The following MGAT5 variants were observed in gnomAD, a reference collection of about 807,000 sequenced individuals.
MGAT5 encodes alpha-1,6-mannosylglycoprotein 6-beta-N-acetylglucosaminyltransferase.
Under a neutral mutation model 94.3 loss-of-function variants are expected in MGAT5, and 30 were observed. That is an observed-to-expected ratio of 0.32 (90% CI 0.24 to 0.43). The LOEUF (loss-of-function observed/expected upper bound fraction) is 0.43. Among genes scored for constraint, MGAT5 ranks in the 20% least tolerant of loss-of-function variants. MGAT5 has a pLI of 1.00. For missense variants in MGAT5, 691 were observed against 905.5 expected (o/e 0.76, Z 3.04); for synonymous variants, 310 against 322.9 (o/e 0.96, Z 0.43).
intron 13 of MGAT5, among the ~76,000 whole-genome samples, chr2:134,426,040 A>G (rs1184961177): frequency 6.6e-6 from 1 of 152,028 alleles, no homozygotes; most frequent in Non-Finnish European, 1.5e-5. Flanking sequence ...ACTTGTTCCT[A>G]AAGAACTTTT....
intron 1 of MGAT5, among the ~76,000 whole-genome samples, chr2:134,204,180 G>A (rs1679926318): frequency 1.3e-5 from 2 of 152,166 alleles, no homozygotes; most frequent in South Asian, 4.1e-4. Flanking sequence ...GCATCCTGGT[G>A]ATTCCCACCA....
chr2:134,336,972 C>G lies in MGAT5; in HGVS notation c.645+684C>G, dbSNP rs570570264. 5.9e-5 allele frequency among the ~76,000 whole-genome samples: 9 copies of G among 152,322 alleles called. No individual in the cohort carries two copies. The South Asian group carries it at 1.9e-3, about 32-fold the overall frequency. ...ATACCCAGATAGTAAATAGTTTCAT[C>G]TTTGCAGGCCATATTGGTCTCATTG... On this transcript the variant is annotated intron_variant, in intron 5 of 15. Coordinates refer to ENST00000281923, the MANE Select transcript of MGAT5 (RefSeq NM_002410.5).
At chr2:134,247,376 A>AAC (rs1553501125) in intron 1 of MGAT5, among the ~76,000 whole-genome samples, 2 of 126,668 alleles carry the variant, frequency 1.6e-5, no homozygotes, top group Non-Finnish European at 3.1e-5. Flanking sequence ...AAAAAAAAAC[A>AAC]AAAAAAAAAC....
At position 134,225,293 on chromosome 2, in the gene MGAT5, A is replaced by C. The variant is rs373837893; in HGVS notation, c.-142-28969A>C. Among the ~76,000 whole-genome samples, 73 of 152,134 alleles carry C rather than the reference A, an allele frequency of 4.8e-4. 3 individuals carry two copies. Among genetic ancestry groups the C allele is most frequent in the African/African-American group, 1.5e-3 (63 of 41,518 alleles). On this transcript the variant is annotated intron_variant, in intron 1 of 16. Coordinates refer to the MGAT5 transcript ENST00000409645. ...GCCAAAAACTGGCAGTTTCAGCAAC[A>C]CCTGGGAGCTTGTTAGAAATGCAGT... is the stretch of plus-strand genomic sequence containing the variant.
At position 134,217,446 on chromosome 2, in the gene MGAT5, C is replaced by T. The variant is rs545888485; in HGVS notation, c.-142-36816C>T. On this transcript the variant is annotated intron_variant, in intron 1 of 16. Transcript: ENST00000409645. ...ACTGAGGCTCACGGGGCTTAATCTGCTAGACCAGAGTTACCTGAGAAAGCA... is the reference window on the plus strand; with the variant it reads ...ACTGAGGCTCACGGGGCTTAATCTGTTAGACCAGAGTTACCTGAGAAAGCA... 3.3e-5 allele frequency among the ~76,000 whole-genome samples: 5 copies of T among 152,234 alleles called. No individual in the cohort carries two copies. The East Asian group carries it at 9.7e-4, about 29-fold the overall frequency.
chr2:134,370,891 C>G (rs1037069566), intron 10 of MGAT5, among the ~76,000 whole-genome samples: 16 of 152,196 alleles, frequency 1.1e-4, no homozygotes, highest in Non-Finnish European at 2.2e-4. Context: ...ATAACATAAC[C>G]CCATGTGGCA....
At chr2:134,120,730 G>C (rs970720453) in intron 1 of MGAT5, among the ~76,000 whole-genome samples, 49 of 151,968 alleles carry the variant, frequency 3.2e-4, no homozygotes, top group Admixed American at 2.1e-3. Context: ...GGGCCGGGCC[G>C]GGCCGGGGTC....
At chr2:134,174,716 C>T (rs1006087980) in intron 1 of MGAT5, among the ~76,000 whole-genome samples, 2 of 152,234 alleles carry the variant, frequency 1.3e-5, no homozygotes, top group Non-Finnish European at 2.9e-5. Context: ...AGATTTCTTC[C>T]TGTGCTTCCC....
upstream of MGAT5, among the ~76,000 whole-genome samples, chr2:134,251,151 T>C (rs1682564756): frequency 1.3e-5 from 2 of 152,138 alleles, no homozygotes; most frequent in Admixed American, 1.3e-4. Context: ...GGAAAATTCC[T>C]TCAGCCCTGG....
At chr2:134,154,763 T>C (rs867225445) in intron 1 of MGAT5, among the ~76,000 whole-genome samples, 1 of 152,224 alleles carries the variant, frequency 6.6e-6, no homozygotes, top group South Asian at 2.1e-4. Flanking sequence ...AACTGTGCTG[T>C]CTGACTCTCT....
intron 10 of MGAT5, among the ~76,000 whole-genome samples, chr2:134,396,048 C>T (rs1217743783): frequency 6.6e-6 from 1 of 152,208 alleles, no homozygotes; most frequent in Non-Finnish European, 1.5e-5. Flanking sequence ...CAAGCTTCCC[C>T]TTATTGTGCC....
At chr2:134,271,230 C>G (rs1052741890) in intron 2 of MGAT5, among the ~76,000 whole-genome samples, 4 of 151,564 alleles carry the variant, frequency 2.6e-5, no homozygotes, top group African/African-American at 9.7e-5. Context: ...CCCCCATCCC[C>G]GCAACTCCCC....
chr2:134,423,626 G>C lies in MGAT5; in HGVS notation c.1794+707G>C, dbSNP rs80106200. 4.7e-3 allele frequency among the ~76,000 whole-genome samples: 715 copies of C among 152,278 alleles called. 6 individuals are homozygous for C. The highest frequency in any genetic ancestry group is 0.016 in the African/African-American group (674 of 41,542). On this transcript the variant is annotated intron_variant, in intron 13 of 15. Transcript: ENST00000281923. The stretch of plus-strand genomic sequence containing the variant: ...TTGGTGGGAGCACTTTTTACACTTA[G>C]TTGCGATGCTTTAAGAGAAGCCGGG...
chr2:134,344,857 G>A, intron 7 of MGAT5, 73 bp from the exon 8 acceptor site: 4 of 1,561,894 alleles, frequency 2.6e-6, no homozygotes, highest in Non-Finnish European at 2.6e-6. Context: ...GCCCATTAAA[G>A]TTGCCAAGTT....
At chr2:134,336,963 T>C (rs890838855) in intron 5 of MGAT5, among the ~76,000 whole-genome samples, 13 of 152,146 alleles carry the variant, frequency 8.5e-5, no homozygotes, top group African/African-American at 2.9e-4. Flanking sequence ...AGATAGTAAA[T>C]AGTTTCATCT....
At chr2:134,177,901 A>G (rs1688555472) in intron 1 of MGAT5, among the ~76,000 whole-genome samples, 1 of 152,222 alleles carries the variant, frequency 6.6e-6, no homozygotes, top group Non-Finnish European at 1.5e-5. Flanking sequence ...AAAAGTACAC[A>G]GCACTTAAGC....
intron 9 of MGAT5, among the ~76,000 whole-genome samples, chr2:134,361,890 T>G (rs1014481148): frequency 6.6e-6 from 1 of 152,218 alleles, no homozygotes; most frequent in African/African-American, 2.4e-5. Flanking sequence ...GAACTCCCAG[T>G]CAGCCCTGCC....
At chr2:134,222,619 T>C (rs547496427) in intron 1 of MGAT5, among the ~76,000 whole-genome samples, 51 of 152,404 alleles carry the variant, frequency 3.3e-4, no homozygotes, top group African/African-American at 1.2e-3. Flanking sequence ...CAAATCTATT[T>C]TTCCCATCAC....
intron 1 of MGAT5, among the ~76,000 whole-genome samples, chr2:134,153,632 CCT>C (rs1156413867): frequency 1.3e-5 from 2 of 152,122 alleles, no homozygotes; most frequent in Non-Finnish European, 2.9e-5. Context: ...TGTTATTAAT[CCT>C]GTTACAAATG....
Sources: gnomAD v4.1 joint callset for allele counts (sites outside exome capture counted in the v4.1 genomes callset) on GRCh38, gnomAD v4.1.1 for gene constraint, MANE v1.5 for transcripts, NCBI Gene and HGNC (gene_info 2026-07-23, HGNC 2026-07-21) for gene names.